The following PTBP3 variants were observed in gnomAD, a reference collection of about 807,000 sequenced individuals.
PTBP3 encodes polypyrimidine tract binding protein 3.
A neutral mutation model predicts 58.7 loss-of-function variants in PTBP3; 20 were observed. That is an observed-to-expected ratio of 0.34 (90% CI 0.24 to 0.50). The LOEUF (loss-of-function observed/expected upper bound fraction) is 0.50. Ranked by LOEUF, PTBP3 falls within the 20% of genes least tolerant of loss-of-function variation. The probability of loss-of-function intolerance (pLI) is 0.98; values close to 1 mark genes in which losing one functional copy is unlikely to be tolerated. For missense variants in PTBP3, 509 were observed against 637.2 expected, an observed-to-expected ratio of 0.80 and a Z score of 2.17; for synonymous variants, 185 against 219.8, an observed-to-expected ratio of 0.84 and a Z score of 1.40.
At chr9:112,257,200 T>C (rs963922108) in intron 5 of PTBP3, among the ~76,000 whole-genome samples, 1 of 152,194 alleles carries the variant, frequency 6.6e-6, no homozygotes, top group Non-Finnish European at 1.5e-5. Flanking sequence ...GCAATAGCAC[T>C]CTAGTCCCCT....
At chr9:112,327,964 TC>T (rs1481880516) in intron 1 of PTBP3, among the ~76,000 whole-genome samples, 3 of 152,168 alleles carry the variant, frequency 2.0e-5, no homozygotes, top group African/African-American at 7.2e-5. Context: ...ATAGCAAAAA[TC>T]CCTGCCCTCA....
chr9:112,230,136 T>C (rs1041763343), intron 10 of PTBP3, among the ~76,000 whole-genome samples: 4 of 152,062 alleles, frequency 2.6e-5, no homozygotes, highest in African/African-American at 4.8e-5. Context: ...AACTGTATGG[T>C]TGTAAATTAC....
intron 3 of PTBP3, chr9:112,272,558 C>A (rs1457038259): frequency 6.6e-6 from 1 of 152,160 alleles, no homozygotes; most frequent in East Asian, 1.9e-4. Flanking sequence ...ATCCATCCAT[C>A]CATCTATCCA....
At chr9:112,297,510 C>T (rs1828741540) in intron 2 of PTBP3, among the ~76,000 whole-genome samples, 1 of 152,134 alleles carries the variant, frequency 6.6e-6, no homozygotes, top group South Asian at 2.1e-4. Flanking sequence ...CTGACTTCAA[C>T]CCAAGTTTTA....
At chr9:112,377,482 A>G in the PTBP3 span, among the ~76,000 whole-genome samples, 1 of 152,224 alleles carries the variant, frequency 6.6e-6, no homozygotes, top group Non-Finnish European at 1.5e-5. Context: ...GGATCATGGA[A>G]GCACCTTAGT....
At chr9:112,320,316 T>TATATATATATATATATATATATATA (rs61624494) in intron 1 of PTBP3, among the ~76,000 whole-genome samples, 1 of 31,588 alleles carries the variant, frequency 3.2e-5, no homozygotes, top group African/African-American at 1.2e-4. Context: ...ATATATATAT[T>TATATATATATATATATATATATATA]TTTTTTTAAG....
At chr9:112,327,479 G>A (rs1015694107) in intron 1 of PTBP3, among the ~76,000 whole-genome samples, 11 of 152,230 alleles carry the variant, frequency 7.2e-5, no homozygotes, top group African/African-American at 2.6e-4. Context: ...AGAATCACTT[G>A]AACCCAGGAG....
At chr9:112,230,963 T>TGTAGACAATAATAAAATAGCA (rs547407546) in intron 10 of PTBP3, among the ~76,000 whole-genome samples, 2 of 151,280 alleles carry the variant, frequency 1.3e-5, no homozygotes, top group African/African-American at 4.9e-5. Context: ...ATTTTGACCC[T>TGTAGACAATAATAAAATAGCA]ACGCAGCTGT....
chr9:112,356,028 T>A, the PTBP3 span, among the ~76,000 whole-genome samples: 1 of 151,472 alleles, frequency 6.6e-6, no homozygotes, highest in Non-Finnish European at 1.5e-5. Context: ...TCCTTCTTCT[T>A]TTCCTTCTTC....
chr9:112,262,470 G>T lies in PTBP3; in HGVS notation c.481C>A (p.Leu161Ile). Reference sequence around the variant, plus strand: ...ACTTCCAGGGTAACAGGGTAAAAGAGGTTTTCAATAATTATTCGAAGCACA... The same window carrying T: ...ACTTCCAGGGTAACAGGGTAAAAGATGTTTTCAATAATTATTCGAAGCACA... ...SPVLRIIIEN[L>I]FYPVTLEVLH... The change falls in exon 5 of 14, where the codon CTC becomes ATC. Residue 161 changes from leucine to isoleucine, a missense_variant. Leu to Ile is a conservative substitution (Grantham distance 5, BLOSUM62 2). Coordinates refer to ENST00000374257, the MANE Select transcript of PTBP3 (RefSeq NM_001163788.4). 6.2e-7 allele frequency: 1 copy of T among 1,609,674 alleles called. No homozygotes were observed. Among genetic ancestry groups the T allele is most frequent in the Non-Finnish European group, 8.5e-7 (1 of 1,178,548 alleles).
chr9:112,333,082 G>A (rs1365433760), intron 1 of PTBP3: 2 of 1,269,692 alleles, frequency 1.6e-6, no homozygotes, highest in East Asian at 6.5e-5. Flanking sequence ...CGCCGCCTCC[G>A]CCTCCCCCAG....
the PTBP3 span, among the ~76,000 whole-genome samples, chr9:112,342,737 A>AGAAGAAGAAGAAGAAGAAGAAGAAGAT: frequency 6.6e-6 from 1 of 152,058 alleles, no homozygotes; most frequent in South Asian, 2.1e-4. Context: ...ACAAAGAAGA[A>AGAAGAAGAAGAAGAAGAAGAAGAAGAT]GAAGAAGAAG....
At chr9:112,306,379 T>C (rs916255004) in intron 1 of PTBP3, among the ~76,000 whole-genome samples, 2 of 150,306 alleles carry the variant, frequency 1.3e-5, no homozygotes, top group Admixed American at 6.7e-5. Context: ...TTGCCCAAGC[T>C]GGTCTCCTGG....
At chr9:112,234,982 AT>A in intron 7 of PTBP3, 85 bp from the exon 8 acceptor site, 3 of 1,104,168 alleles carry the variant, frequency 2.7e-6, no homozygotes, top group Non-Finnish European at 2.7e-6. Context: ...CTATGAAAGT[AT>A]ATTACTAACA....
chr9:112,365,037 A>C, the PTBP3 span, among the ~76,000 whole-genome samples: 1 of 152,224 alleles, frequency 6.6e-6, no homozygotes, highest in Non-Finnish European at 1.5e-5. Context: ...AAGTGAGATC[A>C]TGCCTTTCTG....
At chr9:112,246,085 C>A (rs535314687) in intron 7 of PTBP3, among the ~76,000 whole-genome samples, 1 of 151,874 alleles carries the variant, frequency 6.6e-6, no homozygotes, top group East Asian at 2.0e-4. Flanking sequence ...CAGGTTCAAG[C>A]AATTTTCCTG....
At chr9:112,299,701 G>A (rs1828832247) in intron 1 of PTBP3, among the ~76,000 whole-genome samples, 1 of 152,136 alleles carries the variant, frequency 6.6e-6, no homozygotes, top group Non-Finnish European at 1.5e-5. Flanking sequence ...CCTCCAGTGG[G>A]AAGAGTATAA....
rs914388625 is a variant in PTBP3, at chr9:112,222,184, C to A, written c.*1667G>T. The A allele has an allele frequency of 5.8e-5, 57 of 985,148 alleles. No homozygotes were observed. Among genetic ancestry groups the A allele is most frequent in the Non-Finnish European group, 6.6e-5 (55 of 829,436 alleles). 61.0% of individuals were successfully genotyped at this position (985,148 alleles called of 1,614,324 possible). ...GTAAAAGGGGTAGACAAAAAAATGA[C>A]CCTTTTGACAAATTCTGCTTTAAAA... On this transcript the variant is annotated 3_prime_UTR_variant, in exon 14 of 14. Transcript: ENST00000374257.
intron 3 of PTBP3, among the ~76,000 whole-genome samples, chr9:112,269,371 C>CA (rs1338806787): frequency 6.6e-6 from 1 of 151,922 alleles, no homozygotes; most frequent in African/African-American, 2.4e-5. Flanking sequence ...GAGTCTTAAA[C>CA]AGAGATGGGG....
Sources: gnomAD v4.1 joint callset for allele counts (sites outside exome capture counted in the v4.1 genomes callset) on GRCh38, gnomAD v4.1.1 for gene constraint, MANE v1.5 for transcripts, NCBI Gene and HGNC (gene_info 2026-07-23, HGNC 2026-07-21) for gene names.